EDIL3: variants seen among roughly 807,000 people sequenced by gnomAD.
The protein encoded by EDIL3 is EGF-like repeat and discoidin I-like domain-containing protein 3.
A neutral mutation model predicts 67.4 loss-of-function variants in EDIL3; 37 were observed. That is an observed-to-expected ratio of 0.55 (90% CI 0.42 to 0.72). The LOEUF (loss-of-function observed/expected upper bound fraction) is 0.72, where lower values mean the gene tolerates loss of function less well. Ranked by LOEUF, EDIL3 falls within the 30% of genes least tolerant of loss-of-function variation. The pLI is 0.00. For synonymous variants in EDIL3, 195 were observed against 196.3 expected, an observed-to-expected ratio of 0.99 and a Z score of 0.05; for missense variants, 527 against 586.3, an observed-to-expected ratio of 0.90 and a Z score of 1.04.
intron 4 of EDIL3, among the ~76,000 whole-genome samples, chr5:84,139,048 G>A (rs1349496343): frequency 6.6e-6 from 1 of 152,128 alleles, no homozygotes; most frequent in Non-Finnish European, 1.5e-5. Flanking sequence ...GACCAGCCTG[G>A]CCAACATGGT....
At chr5:84,080,157 G>A (rs1746937587) in intron 6 of EDIL3, among the ~76,000 whole-genome samples, 1 of 139,546 alleles carries the variant, frequency 7.2e-6, no homozygotes, top group African/African-American at 2.6e-5. Context: ...ATAGCCCGGC[G>A]TGGTGGCGGG....
At position 84,300,933 on chromosome 5, in the gene EDIL3, T is replaced by TACACAC. The variant is rs5869219; in HGVS notation, c.68-46727_68-46722dup. 1.6e-3 allele frequency among the ~76,000 whole-genome samples: 242 copies of TACACAC among 149,688 alleles called. 1 individual carries two copies. The highest frequency in any genetic ancestry group is 5.4e-3 in the African/African-American group (219 of 40,876). On this transcript the variant is annotated intron_variant, in intron 1 of 10. Coordinates refer to ENST00000296591, the MANE Select transcript of EDIL3 (RefSeq NM_005711.5). ...AAATATACATGCACACACAGACACA[T>TACACAC]ACACACACACACACACACACGTCTC...
chr5:84,096,024 G>C (rs1747256555), intron 6 of EDIL3, among the ~76,000 whole-genome samples: 1 of 152,154 alleles, frequency 6.6e-6, no homozygotes, highest in African/African-American at 2.4e-5. Flanking sequence ...CAATAATTGG[G>C]GTTTGGGAAA....
At chr5:84,198,500 C>A (rs1320340772) in intron 3 of EDIL3, among the ~76,000 whole-genome samples, 1 of 151,932 alleles carries the variant, frequency 6.6e-6, no homozygotes, top group Non-Finnish European at 1.5e-5. Context: ...CTTAAAAAGT[C>A]TTAAGGATTA....
At chr5:84,078,810 A>G (rs1325761218) in intron 6 of EDIL3, 2 of 152,150 alleles carry the variant, frequency 1.3e-5, no homozygotes, top group Non-Finnish European at 1.5e-5. Context: ...AAGTGATAGG[A>G]ATGTTGAATA....
rs534256026 is a variant in EDIL3 at position 84,364,542 on chromosome 5, TGGCA to T, written c.67+19762_67+19765del. On this transcript the variant is annotated intron_variant, in intron 1 of 10. Transcript: ENST00000296591. ...TACCCATTAAATATGTCACATTACCTGGCAAAAGGGATTTAGCAAATACAGGTAA... is the reference window on the plus strand; with the variant it reads ...TACCCATTAAATATGTCACATTACCTAAAGGGATTTAGCAAATACAGGTAA... Among the ~76,000 whole-genome samples the T allele has an allele frequency of 2.3e-3, 352 of 152,254 alleles. 1 individual carries two copies. Among genetic ancestry groups the T allele is most frequent in the African/African-American group, 8.3e-3 (343 of 41,572 alleles).
chr5:83,964,196 C>T (rs374104670), intron 9 of EDIL3, among the ~76,000 whole-genome samples: 40 of 151,958 alleles, frequency 2.6e-4, no homozygotes, highest in African/African-American at 9.4e-4. Context: ...GGTATTTTCC[C>T]TTTTTTTCTT....
At chr5:84,271,792 A>G (rs1431086651) in intron 1 of EDIL3, among the ~76,000 whole-genome samples, 2 of 152,164 alleles carry the variant, frequency 1.3e-5, no homozygotes, top group Non-Finnish European at 2.9e-5. Flanking sequence ...GTGTGATAAA[A>G]TCTAAAAGCA....
intron 1 of EDIL3, among the ~76,000 whole-genome samples, chr5:84,303,035 G>A (rs765942608): frequency 2.0e-5 from 3 of 152,170 alleles, no homozygotes; most frequent in Non-Finnish European, 4.4e-5. Flanking sequence ...CTCATTCCTT[G>A]TTGTATCTAG....
At chr5:84,133,740 A>G (rs1748039715) in intron 5 of EDIL3, among the ~76,000 whole-genome samples, 1 of 152,036 alleles carries the variant, frequency 6.6e-6, no homozygotes. Flanking sequence ...TGATTTTCAC[A>G]TATTAAACGT....
intron 1 of EDIL3, among the ~76,000 whole-genome samples, chr5:84,281,835 C>T (rs1167447232): frequency 6.7e-6 from 1 of 148,762 alleles, no homozygotes; most frequent in Non-Finnish European, 1.5e-5. Context: ...CAGATTTCAG[C>T]ATATTCAACT....
intron 10 of EDIL3, among the ~76,000 whole-genome samples, chr5:83,959,644 C>G (rs1384734400): frequency 1.3e-5 from 2 of 150,402 alleles, no homozygotes; most frequent in Non-Finnish European, 3.0e-5. Context: ...TTTTTTTCCT[C>G]TTATGGAGAG....
rs967438303 is a variant in EDIL3 at position 84,063,401 on chromosome 5, T to C, written c.952+1299A>G. Among the ~76,000 whole-genome samples the C allele has an allele frequency of 2.0e-5, 3 of 152,112 alleles. No homozygotes were observed. The South Asian group carries it at 6.2e-4, about 31-fold the overall frequency. ...ACTGGAGTAAACAAACTGGATTAAA[T>C]TGCCAAAATAAGGAAAATATCTCTG... On this transcript the variant is annotated intron_variant, in intron 8 of 10. Coordinates refer to ENST00000296591, the MANE Select transcript of EDIL3 (RefSeq NM_005711.5).
At chr5:84,186,203 T>C (rs545569901) in intron 3 of EDIL3, among the ~76,000 whole-genome samples, 1 of 152,080 alleles carries the variant, frequency 6.6e-6, no homozygotes, top group Non-Finnish European at 1.5e-5. Context: ...AAAAAAATAT[T>C]ACTAAAGTAA....
At chr5:84,312,617 C>T (rs534728299) in intron 1 of EDIL3, among the ~76,000 whole-genome samples, 3 of 150,336 alleles carry the variant, frequency 2.0e-5, no homozygotes, top group Non-Finnish European at 4.5e-5. Context: ...GGCTGACCCC[C>T]CCACCTCCTT....
rs1220169426 is a variant in EDIL3 at position 84,190,549 on chromosome 5, A to ATG, written c.227-10029_227-10028insCA. ...CCAGTATTTCTACATATATATATATATATGTGTGTGTGTGTGTGTGTGTGT... is the reference window on the plus strand; with the variant it reads ...CCAGTATTTCTACATATATATATATATGTATGTGTGTGTGTGTGTGTGTGTGT... On this transcript the variant is annotated intron_variant, in intron 3 of 10. Transcript: ENST00000296591. Among the ~76,000 whole-genome samples, 223 of 134,890 alleles carry ATG rather than the reference A, an allele frequency of 1.7e-3. 1 individual carries two copies. Among genetic ancestry groups the ATG allele is most frequent in the Admixed American group, 9.9e-4 (13 of 13,148 alleles). The allele number at this position is 134,890 out of a possible 152,430, so 88.5% of individuals were successfully genotyped here.
chr5:84,106,671 T>C lies in EDIL3; in HGVS notation c.629A>G (p.Asn210Ser). ...TACCTGAATCCACGGCCATCTGTCATTTTCTGCAGCTGTCCACGCATTTAT... is the reference window on the plus strand; with the variant it reads ...TACCTGAATCCACGGCCATCTGTCACTTTCTGCAGCTGTCCACGCATTTAT... Reference protein sequence around the residue: ...GLINAWTAAENDRWPWIQINL... With the variant: ...GLINAWTAAESDRWPWIQINL... The change falls in exon 6 of 11, where the codon AAT becomes AGT. Residue 210 changes from asparagine (N) to serine (S), a missense_variant. By Grantham distance (46) the Asn-to-Ser change is conservative. Transcript: ENST00000296591. The C allele has an allele frequency of 6.2e-7, 1 of 1,606,866 alleles. No individual in the cohort carries two copies. Among genetic ancestry groups the C allele is most frequent in the Non-Finnish European group, 8.5e-7 (1 of 1,177,512 alleles).
chr5:84,261,952 A>T (rs1745230189), intron 1 of EDIL3, among the ~76,000 whole-genome samples: 1 of 152,202 alleles, frequency 6.6e-6, no homozygotes, highest in African/African-American at 2.4e-5. Flanking sequence ...TTCAGTGTTG[A>T]CTATTTGAAT....
chr5:84,384,417 C>G lies in EDIL3; in HGVS notation c.-43G>C. The G allele has an allele frequency of 6.2e-7, 1 of 1,608,388 alleles. No homozygotes were observed. On this transcript the variant is annotated 5_prime_UTR_variant, in exon 1 of 11. Transcript: ENST00000296591. ...GTGACCCCGGCTGGTCAGGGGTCGT[C>G]GCGGAGGGCAGTGTAGCCGAGGTGG...
Sources: allele counts gnomAD v4.1 joint callset (sites outside exome capture counted in the v4.1 genomes callset), GRCh38; gene constraint gnomAD v4.1.1; transcripts MANE v1.5; gene names NCBI Gene and HGNC (gene_info 2026-07-23, HGNC 2026-07-21).